The following FUT9 variants were observed in gnomAD, a reference collection of about 807,000 sequenced individuals.
FUT9 encodes the protein fucosyltransferase 9, also known as 4-galactosyl-N-acetylglucosaminide 3-alpha-L-fucosyltransferase 9.
A neutral mutation model predicts 29.7 loss-of-function variants in FUT9; 15 were observed. The ratio of observed to expected loss-of-function variants is 0.51; its 90% CI spans 0.34 to 0.78. The LOEUF (loss-of-function observed/expected upper bound fraction) is 0.78, where lower values mean the gene tolerates loss of function less well. Among genes scored for constraint, FUT9 ranks in the 30% least tolerant of loss-of-function variants. The pLI is 0.01. For missense variants in FUT9, 319 were observed against 425.4 expected (o/e 0.75, Z 2.20); for synonymous variants, 169 against 153.7 (o/e 1.10, Z -0.74).
intron 1 of FUT9, among the ~76,000 whole-genome samples, chr6:96,111,602 T>C (rs1357784786): frequency 6.7e-6 from 1 of 149,512 alleles, no homozygotes; most frequent in African/African-American, 2.5e-5. Flanking sequence ...AGTTACCAAA[T>C]AGATAAAAGA....
intron 1 of FUT9, among the ~76,000 whole-genome samples, chr6:96,112,462 A>G (rs1301827140): frequency 2.0e-5 from 3 of 152,234 alleles, no homozygotes; most frequent in African/African-American, 7.2e-5. Context: ...TTTGAATCCA[A>G]TATCAAAATA....
At chr6:96,170,546 TCACACACACA>T (rs5878420) in intron 2 of FUT9, among the ~76,000 whole-genome samples, 309 of 148,794 alleles carry the variant, frequency 2.1e-3, no homozygotes, top group African/African-American at 7.3e-3. Context: ...AAAATCCCTT[TCACACACACA>T]CACACACACA....
chr6:96,145,951 G>T (rs978468347), intron 2 of FUT9, among the ~76,000 whole-genome samples: 1 of 21,206 alleles, frequency 4.7e-5, no homozygotes, highest in Middle Eastern at 0.083. Flanking sequence ...AACCTCCCAG[G>T]TTGAGGTCCT....
intron 1 of FUT9, among the ~76,000 whole-genome samples, chr6:96,043,132 A>G (rs1434250896): frequency 2.6e-5 from 4 of 152,088 alleles, no homozygotes; most frequent in Non-Finnish European, 5.9e-5. Context: ...GCTCACTGCA[A>G]GCTCCGCCTC....
intron 2 of FUT9, among the ~76,000 whole-genome samples, chr6:96,169,838 G>T (rs1773079919): frequency 6.6e-6 from 1 of 152,032 alleles, no homozygotes; most frequent in East Asian, 1.9e-4. Flanking sequence ...GAAAAGAAAG[G>T]TAAATTAATT....
At chr6:96,039,493 C>A (rs1021017101) in intron 1 of FUT9, among the ~76,000 whole-genome samples, 1 of 152,054 alleles carries the variant, frequency 6.6e-6, no homozygotes, top group Non-Finnish European at 1.5e-5. Flanking sequence ...TCTCATTTTT[C>A]TTCATTCTGT....
intron 2 of FUT9, among the ~76,000 whole-genome samples, chr6:96,166,886 C>T (rs1161080662): frequency 6.6e-6 from 1 of 152,092 alleles, no homozygotes; most frequent in Non-Finnish European, 1.5e-5. Context: ...CATGTAAATG[C>T]TATGTGAATA....
At chr6:96,199,190 A>G (rs1191936939) in intron 2 of FUT9, among the ~76,000 whole-genome samples, 1 of 152,188 alleles carries the variant, frequency 6.6e-6, no homozygotes, top group African/African-American at 2.4e-5. Flanking sequence ...CTATAGTAAC[A>G]CTGCTGCAGG....
intron 2 of FUT9, among the ~76,000 whole-genome samples, chr6:96,118,333 A>G (rs1227390507): frequency 6.6e-6 from 1 of 152,156 alleles, no homozygotes; most frequent in Non-Finnish European, 1.5e-5. Context: ...AAAAAGAACT[A>G]CAAAATATAG....
chr6:96,199,613 C>A (rs1219845879), intron 2 of FUT9, among the ~76,000 whole-genome samples: 1 of 152,094 alleles, frequency 6.6e-6, no homozygotes, highest in African/African-American at 2.4e-5. Flanking sequence ...AACTTTGAGA[C>A]AAAACAGAGA....
At chr6:96,145,614 G>A (rs552602267) in intron 2 of FUT9, among the ~76,000 whole-genome samples, 2 of 152,136 alleles carry the variant, frequency 1.3e-5, no homozygotes, top group Non-Finnish European at 2.9e-5. Flanking sequence ...AATGGTCAAA[G>A]AAGGCCTCAT....
chr6:96,050,296 G>C (rs1770642265), intron 1 of FUT9, among the ~76,000 whole-genome samples: 1 of 152,164 alleles, frequency 6.6e-6, no homozygotes, highest in Non-Finnish European at 1.5e-5. Flanking sequence ...CCTAATTTGA[G>C]TTAAAATTCA....
intron 2 of FUT9, among the ~76,000 whole-genome samples, chr6:96,201,702 A>G (rs1773728545): frequency 6.6e-6 from 1 of 151,954 alleles, no homozygotes; most frequent in Non-Finnish European, 1.5e-5. Context: ...AGGATTGATT[A>G]ATAATTTAGC....
rs1001720495 is a variant in FUT9 at position 96,206,398 on chromosome 6, C to A, written c.*2163C>A. On this transcript the variant is annotated 3_prime_UTR_variant, in exon 3 of 3. Transcript: ENST00000302103. ...CATTTACTTTGTCAAATTTTTTGGT[C>A]TATAAAAAGCATAGAGATCTAAAGA... The A allele has an allele frequency of 6.0e-6, 1 of 166,944 alleles. No individual in the cohort carries two copies. The highest frequency in any genetic ancestry group is 2.4e-5 in the African/African-American group (1 of 41,400). 10.3% of individuals were successfully genotyped at this position (166,944 alleles called of 1,614,324 possible).
intron 1 of FUT9, among the ~76,000 whole-genome samples, chr6:96,097,397 T>C (rs1771518545): frequency 1.3e-5 from 2 of 152,108 alleles, no homozygotes; most frequent in African/African-American, 4.8e-5. Context: ...ACTGAGAATA[T>C]TTACACCATG....
intron 1 of FUT9, among the ~76,000 whole-genome samples, chr6:96,018,140 T>C (rs906631079): frequency 5.9e-5 from 9 of 152,052 alleles, no homozygotes; most frequent in African/African-American, 1.7e-4. Context: ...TTGAAAATTT[T>C]AGTTGGTTAT....
intron 1 of FUT9, among the ~76,000 whole-genome samples, chr6:96,109,162 T>A (rs1240036521): frequency 2.0e-5 from 3 of 152,342 alleles, no homozygotes; most frequent in South Asian, 2.1e-4. Flanking sequence ...AAATTCAATG[T>A]CCTTTAATGT....
At chr6:96,054,356 C>T (rs1770725865) in intron 1 of FUT9, among the ~76,000 whole-genome samples, 2 of 152,186 alleles carry the variant, frequency 1.3e-5, no homozygotes, top group South Asian at 4.1e-4. Flanking sequence ...TACCCCAAGA[C>T]CAAGTCCACA....
chr6:96,129,785 C>T (rs1562135865), intron 2 of FUT9, among the ~76,000 whole-genome samples: 1 of 151,702 alleles, frequency 6.6e-6, no homozygotes, highest in African/African-American at 2.4e-5. Flanking sequence ...ATATATTCTT[C>T]TATTACTTTC....
Sources: gnomAD v4.1 joint callset for allele counts (sites outside exome capture counted in the v4.1 genomes callset) on GRCh38, gnomAD v4.1.1 for gene constraint, MANE v1.5 for transcripts, NCBI Gene and HGNC (gene_info 2026-07-23, HGNC 2026-07-21) for gene names.